The following ANKFY1 variants were observed in gnomAD, a reference collection of about 807,000 sequenced individuals.
ANKFY1 encodes the protein ankyrin repeat and FYVE domain containing 1.
Under a neutral mutation model 128.3 loss-of-function variants are expected in ANKFY1, and 47 were observed. The observed-to-expected ratio is 0.37, with a 90% confidence interval of 0.29 to 0.47. ANKFY1 has a LOEUF of 0.47. ANKFY1 is among the 20% of genes least tolerant of loss of function. ANKFY1 has a pLI of 1.00. For missense variants in ANKFY1, 1,222 were observed against 1,510.6 expected, an observed-to-expected ratio of 0.81 and a Z score of 3.17; for synonymous variants, 553 against 601.6, an observed-to-expected ratio of 0.92 and a Z score of 1.18.
chr17:4,164,714 GAGA>G lies in ANKFY1; in HGVS notation c.*3062_*3064del, dbSNP rs1395855483. The G allele has an allele frequency of 3.9e-5, 6 of 152,438 alleles. No homozygotes were observed. Among genetic ancestry groups the G allele is most frequent in the African/African-American group, 9.6e-5 (4 of 41,568 alleles). 9.4% of individuals were successfully genotyped at this position (152,438 alleles called of 1,614,324 possible). Reference sequence around the variant, plus strand: ...ACGTTCCCTCCACTCCGTGCCCGTGGAGAAGATTAGTGCAGAAACGGTTCAATA... The same window carrying G: ...ACGTTCCCTCCACTCCGTGCCCGTGGAGATTAGTGCAGAAACGGTTCAATA... On this transcript the variant is annotated 3_prime_UTR_variant, in exon 25 of 25. Coordinates refer to ENST00000341657, the MANE Select transcript of ANKFY1 (RefSeq NM_001330063.2).
intron 10 of ANKFY1, among the ~76,000 whole-genome samples, chr17:4,190,990 T>C (rs1222809091): frequency 1.3e-5 from 2 of 152,056 alleles, no homozygotes; most frequent in African/African-American, 2.4e-5. Flanking sequence ...ATATAAAAAC[T>C]AGCCAGGCCT....
intron 1 of ANKFY1, among the ~76,000 whole-genome samples, chr17:4,255,487 T>A (rs1968068921): frequency 6.6e-6 from 1 of 152,132 alleles, no homozygotes; most frequent in South Asian, 2.1e-4. Flanking sequence ...TGACCTGAGG[T>A]GATCCCCTGG....
Position 4,172,551 on chromosome 17 carries a change from C to T in ANKFY1, c.3139+5G>A. 1 of 1,613,024 alleles carries T rather than the reference C, an allele frequency of 6.2e-7. No homozygotes were observed. Among genetic ancestry groups the T allele is most frequent in the Non-Finnish European group, 8.5e-7 (1 of 1,179,464 alleles). On this transcript the variant is annotated splice_donor_5th_base_variant and intron_variant, in intron 22 of 24. Coordinates refer to ENST00000341657, the MANE Select transcript of ANKFY1 (RefSeq NM_001330063.2). ...GACGGGACATACCCAGCCCTTGGTA[C>T]ACACCCGTGCTGCCGTCTGCATCCG... is the stretch of plus-strand genomic sequence containing the variant.
chr17:4,263,886 C>A (rs761118023), intron 1 of ANKFY1, 46 bp downstream of exon 1: 1 of 1,613,564 alleles, frequency 6.2e-7, no homozygotes, highest in Non-Finnish European at 8.5e-7. Flanking sequence ...CAGCAGCGCC[C>A]CCACAGCTCC....
At chr17:4,185,073 T>G (rs1023055373) in intron 11 of ANKFY1, 27 bp from the exon 12 acceptor site, 2 of 1,594,088 alleles carry the variant, frequency 1.3e-6, no homozygotes, top group Non-Finnish European at 1.7e-6. Flanking sequence ...GGCCGAAATC[T>G]GAGCACTCAC....
At chr17:4,205,163 T>C (rs545904273) in intron 7 of ANKFY1, among the ~76,000 whole-genome samples, 5 of 152,292 alleles carry the variant, frequency 3.3e-5, no homozygotes, top group East Asian at 1.9e-4. Context: ...ACGAAACAAG[T>C]AGATTCTCTC....
intron 2 of ANKFY1, among the ~76,000 whole-genome samples, chr17:4,241,345 T>G (rs892073946): frequency 1.4e-5 from 2 of 145,278 alleles, no homozygotes; most frequent in African/African-American, 5.1e-5. Flanking sequence ...AGTGGCACAA[T>G]CTCAGCTCAC....
At chr17:4,188,869 G>GA (rs10708951) in intron 11 of ANKFY1, 16 of 126,888 alleles carry the variant, frequency 1.3e-4, no homozygotes, top group Admixed American at 2.5e-4. Context: ...TGTGTCTCAA[G>GA]AAAAAAAAAA....
rs574646338 is a variant in ANKFY1, at chr17:4,232,553, T to C, written c.322+3219A>G. ...GTGAAAGCCACAAAAACCATTTACT[T>C]TGAAGCGGATCACTCCTGAAAGCAA... On this transcript the variant is annotated intron_variant, in intron 3 of 24. Transcript: ENST00000341657. Among the ~76,000 whole-genome samples, 127 of 152,364 alleles carry C rather than the reference T, an allele frequency of 8.3e-4. No individual in the cohort carries two copies. In the Middle Eastern group the frequency reaches 0.017, roughly 20 times the overall value.
At position 4,167,758 on chromosome 17, in the gene ANKFY1, C is replaced by CT; in HGVS notation, c.*20dup. ...CTGGGGAGGTGACCAAGGACGTGGC[C>CT]TGGACCCTCCGGGGGGCTCACTAAG... is the stretch of plus-strand genomic sequence containing the variant. On this transcript the variant is annotated 3_prime_UTR_variant, in exon 25 of 25. Transcript: ENST00000341657. The surrounding 1 kb of genome is among the most constrained non-coding windows in gnomAD (Gnocchi z 4.1). 6.2e-7 allele frequency: 1 copy of CT among 1,608,410 alleles called. No homozygotes were observed. The highest frequency in any genetic ancestry group is 1.3e-5 in the African/African-American group (1 of 74,926).
chr17:4,231,879 G>A (rs2060517583), intron 3 of ANKFY1, among the ~76,000 whole-genome samples: 1 of 151,460 alleles, frequency 6.6e-6, no homozygotes, highest in South Asian at 2.1e-4. Context: ...CAAGGCTGCA[G>A]TGAGCCGTGA....
At position 4,169,251 on chromosome 17, in the gene ANKFY1, G is replaced by A. The variant is rs1260703277; in HGVS notation, c.3324C>T (p.Ser1108=). ...ACCTGGCAGTGCACTCATAGCAGTAGGAGCCGTCACACCACGGAGGCTCCT... is the reference window on the plus strand; with the variant it reads ...ACCTGGCAGTGCACTCATAGCAGTAAGAGCCGTCACACCACGGAGGCTCCT... ...LSKEPPWCDG[S]YCYECTARFG... Residue 1108 remains serine, a synonymous_variant, in exon 24 of 25, where the codon TCC becomes TCT. Coordinates refer to ENST00000341657, the MANE Select transcript of ANKFY1 (RefSeq NM_001330063.2). The surrounding 1 kb of genome is among the most constrained non-coding windows in gnomAD (Gnocchi z 5.0). 1 of 1,552,218 alleles carries A rather than the reference G, an allele frequency of 6.4e-7. No individual in the cohort carries two copies. Among genetic ancestry groups the A allele is most frequent in the African/African-American group, 1.4e-5 (1 of 73,112 alleles).
chr17:4,179,867 C>T lies in ANKFY1; in HGVS notation c.2251G>A (p.Val751Met), dbSNP rs1182345507. Residue 751 changes from valine to methionine, a missense_variant, in exon 17 of 25, where the codon GTG becomes ATG. Physicochemically the swap from Val to Met is conservative, Grantham distance 21. Coordinates refer to ENST00000341657, the MANE Select transcript of ANKFY1 (RefSeq NM_001330063.2). ...ACFLIRSGCD[V>M]NSPRQPGANG... ...GCGCCTGGTTGTCTGGGACTGTTCA[C>T]GTCACAGCCACTGAAAGGAATGGGG... 5.6e-6 allele frequency: 9 copies of T among 1,614,048 alleles called. No homozygotes were observed. The highest frequency in any genetic ancestry group is 2.7e-5 in the African/African-American group (2 of 74,934).
intron 3 of ANKFY1, among the ~76,000 whole-genome samples, chr17:4,226,983 CAT>C (rs368840728): frequency 3.9e-5 from 6 of 152,080 alleles, no homozygotes; most frequent in African/African-American, 1.4e-4. Context: ...CTTAAATAGA[CAT>C]ATTTCTGAAA....
chr17:4,210,382 C>T (rs868855022), intron 4 of ANKFY1, among the ~76,000 whole-genome samples: 1 of 152,136 alleles, frequency 6.6e-6, no homozygotes, highest in South Asian at 2.1e-4. Flanking sequence ...GTTTCAAATA[C>T]GAGGCTCTAT....
chr17:4,182,406 GT>G, intron 14 of ANKFY1, 57 bp from the exon 15 acceptor site: 1 of 1,416,666 alleles, frequency 7.1e-7, no homozygotes, highest in Non-Finnish European at 9.4e-7. Flanking sequence ...AGCACAGAAG[GT>G]GCCCTTCTGG....
In ANKFY1 at chr17:4,263,925, A is replaced by G. The variant is rs757791722; in HGVS notation, c.10+7T>C. The G allele has an allele frequency of 6.2e-6, 10 of 1,613,814 alleles. No homozygotes were observed. The highest frequency in any genetic ancestry group is 8.5e-6 in the Non-Finnish European group (10 of 1,179,898). ...TCTTCCCGCGCGGCTCCACAAAAAAACCCTACCTTCCGCCATGTCTGGCCC... is the reference window on the plus strand; with the variant it reads ...TCTTCCCGCGCGGCTCCACAAAAAAGCCCTACCTTCCGCCATGTCTGGCCC... On this transcript the variant is annotated splice_region_variant and intron_variant, in intron 1 of 24. Transcript: ENST00000341657.
At chr17:4,263,767 A>C (rs1394103198) in intron 1 of ANKFY1, 165 bp downstream of exon 1, 3 of 1,548,048 alleles carry the variant, frequency 1.9e-6, no homozygotes, top group Non-Finnish European at 1.7e-6. Flanking sequence ...CGCGCTCCGG[A>C]CCCCGGCCCG....
Position 4,183,525 on chromosome 17 carries a change from G to C in ANKFY1, c.1825C>G (p.Leu609Val), listed in dbSNP as rs2059553348. The change falls in exon 14 of 25, where the codon CTG becomes GTG. Residue 609 changes from leucine to valine, a missense_variant. Transcript: ENST00000341657. ...TGMHTIAAQL[L>V]GSGAAINDTM... ...TCATTGATGGCGGCTCCAGAGCCCA[G>C]CAGCTGGGCTGCGATCGTGTGCATG... 1 of 1,612,550 alleles carries C rather than the reference G, an allele frequency of 6.2e-7. No individual in the cohort carries two copies.
Sources: allele counts gnomAD v4.1 joint callset (sites outside exome capture counted in the v4.1 genomes callset), GRCh38; gene constraint gnomAD v4.1.1; non-coding constraint Gnocchi (gnomAD v3.1); transcripts MANE v1.5; gene names NCBI Gene and HGNC (gene_info 2026-07-23, HGNC 2026-07-21).